The following FN3K variants were observed in gnomAD, a reference collection of about 807,000 sequenced individuals.
The protein encoded by FN3K is fructosamine-3-kinase.
FN3K carries 24 observed loss-of-function variants against 24.8 expected under a neutral mutation model. That is an observed-to-expected ratio of 0.97 (90% confidence interval 0.70 to 1.36). The LOEUF (loss-of-function observed/expected upper bound fraction) is 1.36. FN3K is among the 40% of genes most tolerant of loss of function. The pLI is 0.00. For synonymous variants in FN3K, 192 were observed against 175.2 expected (o/e 1.10, Z -0.76); for missense variants, 449 against 416.7 (o/e 1.08, Z -0.67).
At chr17:82,746,202 A>C (rs1267893987) in intron 4 of FN3K, among the ~76,000 whole-genome samples, 1 of 151,850 alleles carries the variant, frequency 6.6e-6, no homozygotes, top group Non-Finnish European at 1.5e-5. Flanking sequence ...CCTTGTCAAC[A>C]CTTGAGATTT....
intron 2 of FN3K, among the ~76,000 whole-genome samples, chr17:82,740,142 C>T (rs891894098): frequency 6.6e-6 from 1 of 152,112 alleles, no homozygotes; most frequent in African/African-American, 2.4e-5. Flanking sequence ...GCCTCATGAT[C>T]TGCCTGCCTT....
intron 4 of FN3K, among the ~76,000 whole-genome samples, chr17:82,743,007 A>G (rs1234464104): frequency 6.6e-6 from 1 of 152,094 alleles, no homozygotes; most frequent in Non-Finnish European, 1.5e-5. Flanking sequence ...TGGGCTCGCT[A>G]GAACTGCACA....
At chr17:82,748,709 C>T (rs1399247394) in intron 4 of FN3K, 146 bp from the exon 5 acceptor site, 2 of 1,280,402 alleles carry the variant, frequency 1.6e-6, no homozygotes, top group Admixed American at 3.7e-5. Context: ...TACCTGCCTT[C>T]CTCTGGGTTG....
rs2046938837 is a variant in FN3K at position 82,741,125 on chromosome 17, T to C, written c.386-186T>C. On this transcript the variant is annotated intron_variant, in intron 3 of 5. Transcript: ENST00000300784. ...CCCTTTTATACCCAGCCCTGCTGTC[T>C]AGTGTGCTTGAGGTAGGAGTGTCCT... 9 of 696,240 alleles carry C rather than the reference T, an allele frequency of 1.3e-5. No individual in the cohort carries two copies. The Admixed American group carries it at 1.8e-4, about 14-fold the overall frequency. 43.1% of individuals were successfully genotyped at this position (696,240 alleles called of 1,614,324 possible). A position where few individuals can be genotyped will look rare whatever the true frequency, so the allele number is the denominator to read the frequency against.
rs757166232 is a variant in FN3K at position 82,750,736 on chromosome 17, T to C, written c.911T>C (p.Met304Thr). The part of the protein sequence containing the change: ...REYRSPSLGT[M>T]RRLLK ...TACAGGAGCCCTTCCTTGGGCACCATGCGAAGGCTGCTCAAGTAGCGGCCC... is the reference window on the plus strand; with the variant it reads ...TACAGGAGCCCTTCCTTGGGCACCACGCGAAGGCTGCTCAAGTAGCGGCCC... The change falls in exon 6 of 6, where the codon ATG becomes ACG. Residue 304 changes from methionine (M) to threonine (T), a missense_variant. By Grantham distance (81) the Met-to-Thr change is moderately conservative (BLOSUM62 -1). Transcript: ENST00000300784. The C allele has an allele frequency of 3.7e-6, 6 of 1,612,856 alleles. No individual in the cohort carries two copies. The highest frequency in any genetic ancestry group is 4.5e-5 in the East Asian group (2 of 44,844).
chr17:82,744,502 AT>A (rs1263975893), intron 4 of FN3K, among the ~76,000 whole-genome samples: 7 of 152,138 alleles, frequency 4.6e-5, no homozygotes, highest in Non-Finnish European at 1.0e-4. Flanking sequence ...AAATAGAATC[AT>A]GTGGTATGTC....
At chr17:82,738,944 A>ACACGTG (rs2046924075) in intron 2 of FN3K, among the ~76,000 whole-genome samples, 1 of 83,060 alleles carries the variant, frequency 1.2e-5, no homozygotes, top group African/African-American at 5.5e-5. Context: ...ATATATATAT[A>ACACGTG]TATTTTTTTT....
chr17:82,740,329 GGAAA>G (rs929419082), intron 2 of FN3K, among the ~76,000 whole-genome samples: 3 of 150,104 alleles, frequency 2.0e-5, no homozygotes, highest in Non-Finnish European at 4.4e-5. Flanking sequence ...GTTATTTTCT[GGAAA>G]GAGTCTTTGC....
chr17:82,738,001 T>G, intron 1 of FN3K: 1 of 162,386 alleles, frequency 6.2e-6, no homozygotes, highest in Non-Finnish European at 1.4e-5. Context: ...TGCCGTGCCT[T>G]TTACCTTCCC....
intron 4 of FN3K, among the ~76,000 whole-genome samples, chr17:82,744,880 A>G (rs2143648211): frequency 6.6e-6 from 1 of 152,364 alleles, no homozygotes; most frequent in East Asian, 1.9e-4. Flanking sequence ...TGCTTTACAA[A>G]GCAGTATTGC....
At position 82,741,274 on chromosome 17, in the gene FN3K, C is replaced by G. The variant is rs1374856247; in HGVS notation, c.386-37C>G. 5 of 1,593,082 alleles carry G rather than the reference C, an allele frequency of 3.1e-6. No individual in the cohort carries two copies. In the South Asian group the frequency reaches 5.6e-5, roughly 18 times the overall value. On this transcript the variant is annotated intron_variant, in intron 3 of 5. Transcript: ENST00000300784. ...TGAGGTCTGGCATTTAAGAGAAAGA[C>G]AAACAGCTCCTTCAGGCCAAGGATC...
chr17:82,741,094 A>C lies in FN3K; in HGVS notation c.386-217A>C, dbSNP rs534389539. ...TCCTGTCTGGTGTGCTTGAGGTAAT[A>C]ATAACCCCTTTTATACCCAGCCCTG... On this transcript the variant is annotated intron_variant, in intron 3 of 5. Coordinates refer to ENST00000300784, the MANE Select transcript of FN3K (RefSeq NM_022158.4). 6 of 667,200 alleles carry C rather than the reference A, an allele frequency of 9.0e-6. No individual in the cohort carries two copies. In the East Asian group the frequency reaches 1.6e-4, roughly 18 times the overall value. The allele number at this position is 667,200 out of a possible 1,614,324, so 41.3% of individuals were successfully genotyped here. A position where few individuals can be genotyped will look rare whatever the true frequency, so the allele number is the denominator to read the frequency against.
At chr17:82,735,798 GGGGGCTCTGC>G in intron 1 of FN3K, 21 bp downstream of exon 1, 1 of 1,550,750 alleles carries the variant, frequency 6.4e-7, no homozygotes, top group Non-Finnish European at 8.7e-7. Context: ...GTGCGCAGGC[GGGGGCTCTGC>G]GGGTCTCTGC....
chr17:82,737,434 T>G (rs1022829863), intron 1 of FN3K, among the ~76,000 whole-genome samples: 3 of 151,900 alleles, frequency 2.0e-5, no homozygotes, highest in African/African-American at 7.3e-5. Context: ...TCCATTCTCC[T>G]GCCTCAGCCT....
chr17:82,736,930 C>T (rs1419138406), intron 1 of FN3K, among the ~76,000 whole-genome samples: 6 of 152,222 alleles, frequency 3.9e-5, no homozygotes, highest in Non-Finnish European at 8.8e-5. Flanking sequence ...TCCCTCCCAC[C>T]CCCACGAGGG....
chr17:82,746,187 C>T (rs2046967894), intron 4 of FN3K, among the ~76,000 whole-genome samples: 1 of 151,808 alleles, frequency 6.6e-6, no homozygotes, highest in Non-Finnish European at 1.5e-5. Context: ...CCAGTTCCTC[C>T]ACATCCTTGT....
intron 5 of FN3K, 25 bp from the exon 6 acceptor site, chr17:82,750,392 A>G (rs1598345020): frequency 6.2e-7 from 1 of 1,606,960 alleles, no homozygotes; most frequent in Admixed American, 1.7e-5. Flanking sequence ...GAGGCCAGCG[A>G]TAACTGCAGC....
At chr17:82,740,628 C>T (rs1483346302) in intron 2 of FN3K, 135 bp from the exon 3 acceptor site, 5 of 659,840 alleles carry the variant, frequency 7.6e-6, no homozygotes, top group Non-Finnish European at 1.1e-5. Flanking sequence ...GAGTCATTGC[C>T]TGGTGTTCAC....
rs775183956 is a variant in FN3K at position 82,738,517 on chromosome 17, C to T, written c.170C>T (p.Ala57Val). ...QARQMFEGEV[A>V]SLEALRSTGL... ...CGGCAGATGTTTGAGGGGGAGGTGG[C>T]CAGCCTGGAGGCCCTCAGGAGCACG... Residue 57 changes from alanine (A) to valine (V), a missense_variant, in exon 2 of 6, where the codon GCC becomes GTC. Ala to Val is a moderately conservative substitution (Grantham distance 64). Coordinates refer to ENST00000300784, the MANE Select transcript of FN3K (RefSeq NM_022158.4). The T allele has an allele frequency of 1.5e-5, 24 of 1,611,736 alleles. No homozygotes were observed. The highest frequency in any genetic ancestry group is 5.0e-5 in the Admixed American group (3 of 59,928).
Sources: allele counts gnomAD v4.1 joint callset (sites outside exome capture counted in the v4.1 genomes callset), GRCh38; gene constraint gnomAD v4.1.1; transcripts MANE v1.5; gene names NCBI Gene and HGNC (gene_info 2026-07-23, HGNC 2026-07-21).